The following ACTR3C variants were observed in gnomAD, a reference collection of about 807,000 sequenced individuals.
ACTR3C encodes actin-related protein 3C.
ACTR3C carries 18 observed loss-of-function variants against 26.3 expected under a neutral mutation model. That is an observed-to-expected ratio of 0.68 (90% CI 0.47 to 1.01). ACTR3C has a LOEUF of 1.01. Among genes scored for constraint, ACTR3C ranks in the 50% least tolerant of loss-of-function variants. The pLI, the probability that ACTR3C is intolerant of heterozygous loss-of-function variation, is 0.00. For synonymous variants in ACTR3C, 55 were observed against 94.5 expected, an observed-to-expected ratio of 0.58 and a Z score of 2.42; for missense variants, 184 against 250.7, an observed-to-expected ratio of 0.73 and a Z score of 1.80.
At chr7:150,068,003 A>G in the ACTR3C span, among the ~76,000 whole-genome samples, 1 of 152,166 alleles carries the variant, frequency 6.6e-6, no homozygotes, top group Non-Finnish European at 1.5e-5. Flanking sequence ...TATAAGATAA[A>G]ATATGTCAGA....
the ACTR3C span, among the ~76,000 whole-genome samples, chr7:150,115,213 TAAAG>T: frequency 6.6e-6 from 1 of 152,174 alleles, no homozygotes; most frequent in Non-Finnish European, 1.5e-5. Context: ...GAGTACAAAG[TAAAG>T]AAATAATATG....
the ACTR3C span, among the ~76,000 whole-genome samples, chr7:149,896,528 C>T: frequency 7.2e-5 from 11 of 152,080 alleles, no homozygotes; most frequent in Middle Eastern, 3.4e-3. Flanking sequence ...ACTGGCGGAA[C>T]TGAACAGGTA....
chr7:150,228,303 CT>C, the ACTR3C span, among the ~76,000 whole-genome samples: 1 of 152,152 alleles, frequency 6.6e-6, no homozygotes, highest in Non-Finnish European at 1.5e-5. Context: ...ATCCTAATGT[CT>C]TATTTCTGGT....
At chr7:150,086,849 C>T in the ACTR3C span, among the ~76,000 whole-genome samples, 1 of 152,028 alleles carries the variant, frequency 6.6e-6, no homozygotes, top group Non-Finnish European at 1.5e-5. Context: ...ACAATCTGTC[C>T]CTTGTACACT....
the ACTR3C span, among the ~76,000 whole-genome samples, chr7:150,228,270 T>C: frequency 6.6e-6 from 1 of 152,212 alleles, no homozygotes. Context: ...ATGCCGTAAG[T>C]GGTGTTATGT....
the ACTR3C span, among the ~76,000 whole-genome samples, chr7:150,170,271 AAAAG>A: frequency 6.6e-6 from 1 of 150,780 alleles, no homozygotes; most frequent in Non-Finnish European, 1.5e-5. Flanking sequence ...ATGAGTGAGA[AAAAG>A]AAAGAGGCAA....
chr7:150,164,397 T>A, the ACTR3C span, among the ~76,000 whole-genome samples: 1 of 152,148 alleles, frequency 6.6e-6, no homozygotes, highest in Non-Finnish European at 1.5e-5. Context: ...GTCCTCAAAG[T>A]AGAGCCAGTG....
At chr7:150,304,055 A>G (rs1248620354) in intron 1 of ACTR3C, among the ~76,000 whole-genome samples, 4 of 152,264 alleles carry the variant, frequency 2.6e-5, no homozygotes, top group Non-Finnish European at 5.9e-5. Context: ...ACTACAGTAA[A>G]GAAACATTTT....
chr7:149,982,540 C>T, the ACTR3C span, among the ~76,000 whole-genome samples: 2 of 152,048 alleles, frequency 1.3e-5, no homozygotes, highest in Non-Finnish European at 2.9e-5. Context: ...AACCAAGAGT[C>T]AGAAAGCTTA....
chr7:150,007,569 T>A, the ACTR3C span, among the ~76,000 whole-genome samples: 1 of 152,280 alleles, frequency 6.6e-6, no homozygotes. Context: ...AAGATTAAAG[T>A]TGATACCTCA....
the ACTR3C span, among the ~76,000 whole-genome samples, chr7:150,015,644 A>G: frequency 6.6e-6 from 1 of 152,142 alleles, no homozygotes; most frequent in Non-Finnish European, 1.5e-5. Flanking sequence ...GGTAGTAACA[A>G]GCTATTACCA....
chr7:150,222,832 G>A, the ACTR3C span, among the ~76,000 whole-genome samples: 1 of 152,204 alleles, frequency 6.6e-6, no homozygotes, highest in South Asian at 2.1e-4. Flanking sequence ...GACGTAATCA[G>A]TTATGATTTA....
At chr7:150,024,236 G>A in the ACTR3C span, among the ~76,000 whole-genome samples, 3 of 151,982 alleles carry the variant, frequency 2.0e-5, no homozygotes, top group Non-Finnish European at 4.4e-5. Context: ...GAGGACATGA[G>A]GCTGAGGTGC....
At chr7:150,256,234 A>ATAGG (rs1356894193) in intron 6 of ACTR3C, among the ~76,000 whole-genome samples, 2 of 152,234 alleles carry the variant, frequency 1.3e-5, no homozygotes, top group African/African-American at 4.8e-5. Context: ...CAATGAACAT[A>ATAGG]TAGGTACCTG....
the ACTR3C span, among the ~76,000 whole-genome samples, chr7:150,238,039 T>C: frequency 6.7e-6 from 1 of 150,328 alleles, no homozygotes; most frequent in Admixed American, 6.6e-5. Flanking sequence ...ACTTCTTGAA[T>C]GTGATAATCC....
chr7:150,207,726 G>A, the ACTR3C span, among the ~76,000 whole-genome samples: 1 of 152,300 alleles, frequency 6.6e-6, no homozygotes, highest in South Asian at 2.1e-4. Context: ...AGAAAGAAAT[G>A]TCAAATTGTT....
chr7:150,163,684 G>C, the ACTR3C span, among the ~76,000 whole-genome samples: 3 of 152,030 alleles, frequency 2.0e-5, no homozygotes, highest in Admixed American at 2.0e-4. Context: ...TGAGTCCCAA[G>C]ACTTGAGAAC....
chr7:150,036,983 G>A, the ACTR3C span, among the ~76,000 whole-genome samples: 4 of 42,938 alleles, frequency 9.3e-5, no homozygotes, highest in Non-Finnish European at 1.7e-4. Flanking sequence ...CCTGCCTCGC[G>A]GGGGGTGCCT....
the ACTR3C span, among the ~76,000 whole-genome samples, chr7:150,109,806 AAAATCTCAAAACG>A: frequency 6.8e-6 from 1 of 147,222 alleles, no homozygotes; most frequent in Non-Finnish European, 1.5e-5. Flanking sequence ...CAAATAAGAG[AAAATCTCAAAACG>A]AAATCTGGTC....
Sources: allele counts gnomAD v4.1 joint callset (sites outside exome capture counted in the v4.1 genomes callset), GRCh38; gene constraint gnomAD v4.1.1; transcripts MANE v1.5; gene names NCBI Gene and HGNC (gene_info 2026-07-23, HGNC 2026-07-21).